Variants in UBE2E2 observed in about 807,000 individuals in gnomAD.
UBE2E2 encodes ubiquitin conjugating enzyme E2 E2.
In UBE2E2, 6 loss-of-function variants were observed where a neutral mutation model predicts 24.7. The ratio of observed to expected loss-of-function variants is 0.24; its 90% CI spans 0.13 to 0.48. The LOEUF (loss-of-function observed/expected upper bound fraction) is 0.48. Among genes scored for constraint, UBE2E2 ranks in the 20% least tolerant of loss-of-function variants. The pLI, the probability that UBE2E2 is intolerant of heterozygous loss-of-function variation, is 0.99. For missense variants in UBE2E2, 169 were observed against 245.0 expected (o/e 0.69, Z 2.07); for synonymous variants, 104 against 83.6 (o/e 1.24, Z -1.33).
chr3:23,525,300 G>A (rs540334456), intron 4 of UBE2E2, among the ~76,000 whole-genome samples: 107 of 152,136 alleles, frequency 7.0e-4, no homozygotes, highest in Admixed American at 1.8e-3. Flanking sequence ...CCAGGAATTA[G>A]GATGTGGACA....
At chr3:23,323,469 C>A (rs1694800532) in intron 3 of UBE2E2, 1 of 423,784 alleles carries the variant, frequency 2.4e-6, no homozygotes, top group Admixed American at 2.6e-5. Flanking sequence ...GGTGAGCATC[C>A]CAAATTCGAA....
At chr3:23,255,210 G>A (rs1697686132) in intron 3 of UBE2E2, among the ~76,000 whole-genome samples, 1 of 149,088 alleles carries the variant, frequency 6.7e-6, no homozygotes, top group South Asian at 2.1e-4. Context: ...CAGCCTCCTA[G>A]GTAGATGGGA....
chr3:23,336,925 A>G lies in UBE2E2; in HGVS notation c.227+119613A>G, dbSNP rs893309515. 3.3e-5 allele frequency among the ~76,000 whole-genome samples: 5 copies of G among 152,262 alleles called. No individual in the cohort carries two copies. The East Asian group carries it at 9.7e-4, about 29-fold the overall frequency. On this transcript the variant is annotated intron_variant, in intron 3 of 5. Coordinates refer to ENST00000396703, the MANE Select transcript of UBE2E2 (RefSeq NM_152653.4). ...GAGACTGAGGCGGGTGGATCAGTTCAGCTCAGGAGTTTGAGACCAGTCTGG... is the reference window on the plus strand; with the variant it reads ...GAGACTGAGGCGGGTGGATCAGTTCGGCTCAGGAGTTTGAGACCAGTCTGG...
intron 3 of UBE2E2, among the ~76,000 whole-genome samples, chr3:23,283,543 G>A (rs192860172): frequency 1.3e-5 from 2 of 152,282 alleles, no homozygotes; most frequent in Admixed American, 6.5e-5. Flanking sequence ...CCTGAGCAAC[G>A]TAGTGAGGCC....
In UBE2E2 at chr3:23,457,556, G is replaced by T. The variant is rs182436148; in HGVS notation, c.228-42052G>T. Among the ~76,000 whole-genome samples, 422 of 152,150 alleles carry T rather than the reference G, an allele frequency of 2.8e-3. 1 individual carries two copies. Among genetic ancestry groups the T allele is most frequent in the Non-Finnish European group, 4.6e-3 (315 of 68,020 alleles). ...TTTTGTTTTTTGGAGGTAGGGTCTT[G>T]CTCTGTCACCAAGGCTGGAGTGCAG... On this transcript the variant is annotated intron_variant, in intron 3 of 5. Coordinates refer to ENST00000396703, the MANE Select transcript of UBE2E2 (RefSeq NM_152653.4).
chr3:23,337,576 A>G (rs914645140), intron 3 of UBE2E2, among the ~76,000 whole-genome samples: 2 of 152,190 alleles, frequency 1.3e-5, no homozygotes, highest in Non-Finnish European at 2.9e-5. Flanking sequence ...GAGTTCAGGG[A>G]CAACTTTACT....
intron 5 of UBE2E2, among the ~76,000 whole-genome samples, chr3:23,562,061 T>A (rs1045203448): frequency 2.0e-5 from 3 of 152,184 alleles, no homozygotes; most frequent in African/African-American, 7.2e-5. Flanking sequence ...ACCCTTTATT[T>A]CTTTCTCCTG....
intron 3 of UBE2E2, among the ~76,000 whole-genome samples, chr3:23,410,759 T>C (rs970699240): frequency 6.6e-6 from 1 of 152,128 alleles, no homozygotes; most frequent in Non-Finnish European, 1.5e-5. Flanking sequence ...TCCCCTACTC[T>C]CAAGACATTT....
At chr3:23,344,370 G>C in intron 3 of UBE2E2, among the ~76,000 whole-genome samples, 1 of 152,066 alleles carries the variant, frequency 6.6e-6, no homozygotes, top group Non-Finnish European at 1.5e-5. Context: ...GAAGGCTCAT[G>C]TGAAAAAGCC....
At chr3:23,586,103 T>C (rs1276329094) in intron 5 of UBE2E2, among the ~76,000 whole-genome samples, 3 of 152,338 alleles carry the variant, frequency 2.0e-5, no homozygotes, top group East Asian at 1.9e-4. Flanking sequence ...TCCACTGAGC[T>C]GAATCTTTAT....
chr3:23,484,238 A>T lies in UBE2E2; in HGVS notation c.228-15370A>T, dbSNP rs17013346. 8.9e-3 allele frequency among the ~76,000 whole-genome samples: 1,359 copies of T among 152,280 alleles called. 44 individuals are homozygous for T. The East Asian group carries it at 0.092, about 10-fold the overall frequency. On this transcript the variant is annotated intron_variant, in intron 3 of 5. Transcript: ENST00000396703. ...AAAATCCACTTCACCTTTCCAGCCC[A>T]GCTTAATTGCTTAATTGCCACCCCT... is the stretch of plus-strand genomic sequence containing the variant.
intron 3 of UBE2E2, among the ~76,000 whole-genome samples, chr3:23,320,695 C>G (rs573040262): frequency 3.3e-5 from 5 of 152,308 alleles, no homozygotes; most frequent in Admixed American, 6.5e-5. Flanking sequence ...GATTGTTCCT[C>G]GGAAGCTGCG....
chr3:23,246,322 G>A (rs1025386072), intron 3 of UBE2E2, among the ~76,000 whole-genome samples: 3 of 149,546 alleles, frequency 2.0e-5, no homozygotes, highest in African/African-American at 7.4e-5. Context: ...CCAGGTTCAC[G>A]CCATTGACCT....
chr3:23,345,191 A>G (rs1028469689), intron 3 of UBE2E2, among the ~76,000 whole-genome samples: 2 of 152,224 alleles, frequency 1.3e-5, no homozygotes, highest in Non-Finnish European at 2.9e-5. Flanking sequence ...ACTGATCTTT[A>G]TAAGCTGAGT....
chr3:23,354,329 A>G (rs1181348885), intron 3 of UBE2E2, among the ~76,000 whole-genome samples: 1 of 152,328 alleles, frequency 6.6e-6, no homozygotes, highest in East Asian at 1.9e-4. Context: ...AGGCATGGGC[A>G]AGGACTTCAT....
At chr3:23,584,372 C>T (rs762485476) in intron 5 of UBE2E2, among the ~76,000 whole-genome samples, 4 of 151,792 alleles carry the variant, frequency 2.6e-5, no homozygotes, top group Non-Finnish European at 4.4e-5. Context: ...AGTCTTGTTC[C>T]CTGTCTCTGT....
intron 3 of UBE2E2, among the ~76,000 whole-genome samples, chr3:23,469,131 T>C (rs951295214): frequency 1.3e-5 from 2 of 152,146 alleles, no homozygotes; most frequent in African/African-American, 4.8e-5. Context: ...ATGGTTGGGT[T>C]CTGGTGGGTT....
intron 3 of UBE2E2, among the ~76,000 whole-genome samples, chr3:23,477,639 A>T (rs1000951698): frequency 2.0e-5 from 3 of 152,248 alleles, no homozygotes; most frequent in African/African-American, 7.2e-5. Flanking sequence ...TTTATTTAGC[A>T]TCTTTTTTAC....
chr3:23,324,196 T>C (rs770123905), intron 3 of UBE2E2, among the ~76,000 whole-genome samples: 1 of 152,162 alleles, frequency 6.6e-6, no homozygotes, highest in South Asian at 2.1e-4. Context: ...CTGCATCACT[T>C]ATGATTATTT....
Sources: gnomAD v4.1 joint callset for allele counts (sites outside exome capture counted in the v4.1 genomes callset) on GRCh38, gnomAD v4.1.1 for gene constraint, MANE v1.5 for transcripts, NCBI Gene and HGNC (gene_info 2026-07-23, HGNC 2026-07-21) for gene names.